The following AFAP1L1 variants were observed in gnomAD, a reference collection of about 807,000 sequenced individuals.
The protein encoded by AFAP1L1 is actin filament associated protein 1 like 1.
A neutral mutation model predicts 99.8 loss-of-function variants in AFAP1L1; 77 were observed. That is an observed-to-expected ratio of 0.77 (90% CI 0.64 to 0.93). The LOEUF (loss-of-function observed/expected upper bound fraction) is 0.93. Ranked by LOEUF, AFAP1L1 falls within the 40% of genes least tolerant of loss-of-function variation. AFAP1L1 has a pLI of 0.00. For synonymous variants in AFAP1L1, 373 were observed against 395.3 expected (o/e 0.94, Z 0.67); for missense variants, 893 against 996.8 (o/e 0.90, Z 1.40).
At chr5:149,286,120 A>T (rs1487531254) in intron 1 of AFAP1L1, among the ~76,000 whole-genome samples, 1 of 152,210 alleles carries the variant, frequency 6.6e-6, no homozygotes, top group Non-Finnish European at 1.5e-5. Flanking sequence ...TCAGAGGATA[A>T]GCAAGCACTT....
intron 1 of AFAP1L1, among the ~76,000 whole-genome samples, chr5:149,289,241 C>T (rs1755778947): frequency 6.6e-6 from 1 of 152,140 alleles, no homozygotes; most frequent in Non-Finnish European, 1.5e-5. Flanking sequence ...TTGCCTTCTC[C>T]CTTCTTATGA....
intron 15 of AFAP1L1, among the ~76,000 whole-genome samples, chr5:149,326,958 TAACAACCC>T (rs1016359069): frequency 4.0e-5 from 6 of 151,796 alleles, no homozygotes; most frequent in Non-Finnish European, 8.8e-5. Context: ...AATAAGAAAA[TAACAACCC>T]AACAACCCGG....
intron 16 of AFAP1L1, among the ~76,000 whole-genome samples, chr5:149,331,155 G>T (rs1437270339): frequency 6.6e-6 from 1 of 152,082 alleles, no homozygotes; most frequent in African/African-American, 2.4e-5. Context: ...CAAAAAAGTG[G>T]GCTGGGTGCC....
chr5:149,300,378 A>T, intron 3 of AFAP1L1, 24 bp downstream of exon 3: 1 of 1,597,188 alleles, frequency 6.3e-7, no homozygotes, highest in Non-Finnish European at 8.6e-7. Flanking sequence ...TCCCAACCTC[A>T]GCTACGGAGC....
At chr5:149,272,330 G>A (rs1257282173) in intron 1 of AFAP1L1, among the ~76,000 whole-genome samples, 1 of 152,226 alleles carries the variant, frequency 6.6e-6, no homozygotes, top group Middle Eastern at 3.2e-3. Flanking sequence ...AAAACAAGGT[G>A]TACAGGTTCA....
rs773052812 is a variant in AFAP1L1 at position 149,302,513 on chromosome 5, C to T, written c.423C>T (p.Tyr141=). Residue 141 remains tyrosine (Y), a synonymous_variant, in exon 5 of 19, where the codon TAC becomes TAT. Coordinates refer to ENST00000296721, the MANE Select transcript of AFAP1L1 (RefSeq NM_152406.4). ...LPLGPGKSPE[Y]ISSHNGCSPS... ...TGGGACCCGGCAAGTCGCCTGAGTA[C>T]ATCAGCTCCCACAGTAAGTTCTGGT... 20 of 1,581,964 alleles carry T rather than the reference C, an allele frequency of 1.3e-5. 1 individual carries two copies. In the Admixed American group the frequency reaches 3.5e-4, roughly 27 times the overall value.
At chr5:149,315,769 G>T in intron 9 of AFAP1L1, 52 bp from the exon 10 acceptor site, 2 of 1,507,220 alleles carry the variant, frequency 1.3e-6, no homozygotes, top group South Asian at 1.1e-5. Flanking sequence ...AGGGAAATTT[G>T]GGTACTTCTG....
chr5:149,303,773 G>A (rs1756308240), intron 5 of AFAP1L1, among the ~76,000 whole-genome samples: 1 of 152,140 alleles, frequency 6.6e-6, no homozygotes, highest in Non-Finnish European at 1.5e-5. Flanking sequence ...GAAATTAATA[G>A]AAATATGGGT....
Position 149,342,787 on chromosome 5 carries a change from C to T in AFAP1L1, c.*2757C>T, listed in dbSNP as rs1407981933. Among the ~76,000 whole-genome samples the T allele has an allele frequency of 2.6e-5, 4 of 152,148 alleles. No homozygotes were observed. Among genetic ancestry groups the T allele is most frequent in the Non-Finnish European group, 5.9e-5 (4 of 68,038 alleles). ...GTTAGCTGGGCACGGTGGCACATGC[C>T]GGTAGTCCCAGCTACTTGGGAGGCT... On this transcript the variant is annotated 3_prime_UTR_variant, in exon 19 of 19. Transcript: ENST00000296721.
intron 4 of AFAP1L1, 57 bp downstream of exon 4, chr5:149,301,287 A>G: frequency 6.5e-7 from 1 of 1,541,064 alleles, no homozygotes; most frequent in Non-Finnish European, 8.9e-7. Flanking sequence ...GGAGGAGGCA[A>G]GGGAAGCTCT....
rs182222949 is a variant in AFAP1L1, at chr5:149,275,738, C to A, written c.16+3754C>A. Among the ~76,000 whole-genome samples, 497 of 151,994 alleles carry A rather than the reference C, an allele frequency of 3.3e-3. 4 individuals carry two copies. Among genetic ancestry groups the A allele is most frequent in the African/African-American group, 0.011 (448 of 41,438 alleles). Reference sequence around the variant, plus strand: ...AGCCAGGATGGTCTCCATCTCCTGACCTCGTGATCCACCCGCCTCAGCCTC... The same window carrying A: ...AGCCAGGATGGTCTCCATCTCCTGAACTCGTGATCCACCCGCCTCAGCCTC... On this transcript the variant is annotated intron_variant, in intron 1 of 18. Coordinates refer to ENST00000296721, the MANE Select transcript of AFAP1L1 (RefSeq NM_152406.4).
chr5:149,307,448 AGAG>A lies in AFAP1L1; in HGVS notation c.591_593del (p.Glu198del), dbSNP rs767481362. ...GCAGCTCCTATGAGTCCTACGATGA[AGAG>A]GAGGAGGAAGGGAAGAGCCCGCAGC... On this transcript the variant is annotated inframe_deletion, in exon 7 of 19. Transcript: ENST00000296721. The A allele has an allele frequency of 1.2e-6, 2 of 1,614,098 alleles. No homozygotes were observed. Among genetic ancestry groups the A allele is most frequent in the Non-Finnish European group, 1.7e-6 (2 of 1,180,012 alleles).
At chr5:149,308,016 G>C (rs1414894802) in intron 7 of AFAP1L1, among the ~76,000 whole-genome samples, 3 of 151,898 alleles carry the variant, frequency 2.0e-5, no homozygotes, top group African/African-American at 7.3e-5. Context: ...AATTAGCCAG[G>C]TGTGCGCCTG....
chr5:149,335,380 C>T (rs1225827541), intron 17 of AFAP1L1, among the ~76,000 whole-genome samples: 2 of 152,080 alleles, frequency 1.3e-5, no homozygotes, highest in East Asian at 1.9e-4. Context: ...CCCAGCTACT[C>T]GAGAGGCTGA....
intron 8 of AFAP1L1, among the ~76,000 whole-genome samples, chr5:149,311,886 C>G (rs1025271041): frequency 6.6e-5 from 10 of 152,202 alleles, no homozygotes; most frequent in African/African-American, 1.9e-4. Flanking sequence ...AGCAATAAGC[C>G]TCTTGGTCCC....
intron 1 of AFAP1L1, among the ~76,000 whole-genome samples, chr5:149,296,928 G>C (rs1162591035): frequency 2.0e-5 from 3 of 152,066 alleles, no homozygotes; most frequent in Non-Finnish European, 4.4e-5. Flanking sequence ...CAAGAAAAAA[G>C]GGGAAAAGCC....
At chr5:149,315,470 T>C (rs1581326994) in intron 9 of AFAP1L1, among the ~76,000 whole-genome samples, 1 of 152,338 alleles carries the variant, frequency 6.6e-6, no homozygotes, top group East Asian at 1.9e-4. Flanking sequence ...CCACTGGAAG[T>C]AACTTCCTAA....
chr5:149,320,516 T>A lies in AFAP1L1; in HGVS notation c.1698+53T>A. 9 of 1,507,986 alleles carry A rather than the reference T, an allele frequency of 6.0e-6. No individual in the cohort carries two copies. The highest frequency in any genetic ancestry group is 8.3e-6 in the Non-Finnish European group (9 of 1,084,696). The allele number at this position is 1,507,986 out of a possible 1,614,324, so 93.4% of individuals were successfully genotyped here. A position where few individuals can be genotyped will look rare whatever the true frequency, so the allele number is the denominator to read the frequency against. ...TGTGGCAAAGGCCACTTATTAGCTCTCCCTCTTTCTGCTCCCTTTACCTTC... is the reference window on the plus strand; with the variant it reads ...TGTGGCAAAGGCCACTTATTAGCTCACCCTCTTTCTGCTCCCTTTACCTTC... On this transcript the variant is annotated intron_variant, in intron 14 of 18. Transcript: ENST00000296721. The surrounding 1 kb of genome is among the most constrained non-coding windows in gnomAD (Gnocchi z 4.0).
At chr5:149,326,975 G>A (rs756657399) in intron 15 of AFAP1L1, among the ~76,000 whole-genome samples, 23 of 152,102 alleles carry the variant, frequency 1.5e-4, no homozygotes, top group Non-Finnish European at 1.8e-4. Context: ...CCAACAACCC[G>A]GTTGGGGGGA....
Sources: allele counts gnomAD v4.1 joint callset (sites outside exome capture counted in the v4.1 genomes callset), GRCh38; gene constraint gnomAD v4.1.1; non-coding constraint Gnocchi (gnomAD v3.1); transcripts MANE v1.5; gene names NCBI Gene and HGNC (gene_info 2026-07-23, HGNC 2026-07-21).